TEDC1: variants seen among roughly 807,000 people sequenced by gnomAD.
TEDC1 encodes the protein tubulin epsilon and delta complex 1.
In TEDC1, 54 loss-of-function variants were observed where a neutral mutation model predicts 59.9. The ratio of observed to expected loss-of-function variants is 0.90; its 90% CI spans 0.72 to 1.13. TEDC1 has a LOEUF of 1.13. Among genes scored for constraint, TEDC1 ranks in the 50% most tolerant of loss-of-function variants. TEDC1 has a pLI of 0.00. For missense variants in TEDC1, 734 were observed against 683.4 expected, an observed-to-expected ratio of 1.07 and a Z score of -0.83; for synonymous variants, 353 against 298.1, an observed-to-expected ratio of 1.18 and a Z score of -1.90.
Position 105,491,439 on chromosome 14 carries a change from G to A in TEDC1, c.64G>A (p.Ala22Thr), listed in dbSNP as rs1555439229. The change falls in exon 1 of 9, where the codon GCC (alanine) becomes ACC (threonine). Residue 22 changes from alanine to threonine, a missense_variant. Ala to Thr is a moderately conservative substitution (Grantham distance 58). Transcript: ENST00000392523. ...GGCCCGGGCCGGGGCCCTGCCTGAG[G>A]CCATCGCCGCGTTGAGTCGGTCGCT... is the stretch of plus-strand genomic sequence containing the variant. ...AGARAGALPE[A>T]IAALSRSLPS... 6.9e-7 allele frequency: 1 copy of A among 1,450,346 alleles called. No homozygotes were observed. The highest frequency in any genetic ancestry group is 9.0e-7 in the Non-Finnish European group (1 of 1,106,980). The allele number at this position is 1,450,346 out of a possible 1,614,324, so 89.8% of individuals were successfully genotyped here.
Position 105,492,654 on chromosome 14 carries a change from C to T in TEDC1, c.505C>T (p.Gln169Ter). 1 of 1,544,866 alleles carries T rather than the reference C, an allele frequency of 6.5e-7. No individual in the cohort carries two copies. Among genetic ancestry groups the T allele is most frequent in the Non-Finnish European group, 8.7e-7 (1 of 1,146,898 alleles). The change falls in exon 4 of 9, where the codon CAG becomes TAG. Residue 169 changes from glutamine (Q) to a stop codon, truncating the protein, a stop_gained. Transcript: ENST00000392523. LOFTEE classifies it high-confidence loss of function. Reference protein sequence around the residue: ...AEGPVDVRHVQWLMGKLRFRW... With the variant: ...AEGPVDVRHV ...GGGTCCTGTGGATGTCCGCCATGTG[C>T]AGTGGCTGATGGGAAAGCTGCGGTT... is the stretch of plus-strand genomic sequence containing the variant.
At chr14:105,494,015 T>TGGGGGGGGGGGGGGGG in intron 5 of TEDC1, 82 bp downstream of exon 5, 1 of 158,596 alleles carries the variant, frequency 6.3e-6, no homozygotes, top group Non-Finnish European at 1.3e-5. Context: ...GGGAGGGGCC[T>TGGGGGGGGGGGGGGGG]GGGGGCGGGG....
At position 105,497,655 on chromosome 14, in the gene TEDC1, T is replaced by G. The variant is rs940192827; in HGVS notation, c.979-143T>G. ...CTCCATGGCCTTCTAGAGTGTGGCC[T>G]TTGTGCCTCCCTGGACGTCACAGTT... On this transcript the variant is annotated intron_variant, in intron 7 of 8. Coordinates refer to ENST00000392523, the MANE Select transcript of TEDC1 (RefSeq NM_001367178.1). 4 of 1,214,002 alleles carry G rather than the reference T, an allele frequency of 3.3e-6. No homozygotes were observed. The African/African-American group carries it at 4.6e-5, about 14-fold the overall frequency. 75.2% of individuals were successfully genotyped at this position (1,214,002 alleles called of 1,614,324 possible).
chr14:105,498,625 C>T lies in TEDC1; in HGVS notation c.1167C>T (p.Gly389=), dbSNP rs1555440996. 1.3e-6 allele frequency: 2 copies of T among 1,544,888 alleles called. No individual in the cohort carries two copies. Among genetic ancestry groups the T allele is most frequent in the Non-Finnish European group, 1.7e-6 (2 of 1,143,564 alleles). Residue 389 remains glycine (G), a synonymous_variant, in exon 9 of 9, where the codon GGC becomes GGT. Coordinates refer to ENST00000392523, the MANE Select transcript of TEDC1 (RefSeq NM_001367178.1). ...RRAAWEAKAG[G]CGRGPEWSAA... is the part of the protein sequence containing the mutation. ...CATTGTGTCCCACGCAGGCTGGAGG[C>T]TGTGGACGGGGGCCAGAGTGGAGTG...
chr14:105,491,142 G>C (rs1475033895), upstream of TEDC1: 1 of 1,551,028 alleles, frequency 6.4e-7, no homozygotes, highest in African/African-American at 1.4e-5. Flanking sequence ...GGTCTCGGGA[G>C]CGCGGTGATT....
Position 105,499,217 on chromosome 14 carries a change from CAG to C in TEDC1, c.*272_*273del. 1.8e-6 allele frequency: 1 copy of C among 547,288 alleles called. No homozygotes were observed. Among genetic ancestry groups the C allele is most frequent in the South Asian group, 2.3e-5 (1 of 42,750 alleles). The allele number at this position is 547,288 out of a possible 1,614,324, so 33.9% of individuals were successfully genotyped here. The stretch of plus-strand genomic sequence containing the variant: ...GAGGGGACTCGGAAATAAATTGTAG[CAG>C]CTTTCCTGCCGCTGGCCCTCCCCCT... On this transcript the variant is annotated 3_prime_UTR_variant, in exon 9 of 9. Transcript: ENST00000392523.
intron 6 of TEDC1, 66 bp downstream of exon 6, chr14:105,496,152 C>CCCCCCCCGGGGGGT: frequency 6.3e-6 from 1 of 157,702 alleles, no homozygotes; most frequent in East Asian, 1.5e-4. Context: ...GAGGGGGTGG[C>CCCCCCCCGGGGGGT]GAGGGGGTGT....
At chr14:105,497,621 C>T (rs587710845) in intron 7 of TEDC1, 177 bp from the exon 8 acceptor site, 99 of 1,098,688 alleles carry the variant, frequency 9.0e-5, no homozygotes, top group Admixed American at 4.0e-4. Flanking sequence ...CTGCTGCCCC[C>T]GCCCTCAGCT....
intron 6 of TEDC1, chr14:105,496,398 C>T (rs1237117187): frequency 3.0e-5 from 11 of 372,058 alleles, no homozygotes; most frequent in African/African-American, 2.3e-4. Context: ...GGCCTGCCTG[C>T]CTCTGCTCTG....
rs1170981419 is a variant in TEDC1 at position 105,499,238 on chromosome 14, T to TC, written c.*297dup. On this transcript the variant is annotated 3_prime_UTR_variant, in exon 9 of 9. Transcript: ENST00000392523. ...GTAGCAGCTTTCCTGCCGCTGGCCC[T>TC]CCCCCTGCCACCCTGTCGGGTTTCC... 9.2e-5 allele frequency: 45 copies of TC among 491,700 alleles called. No individual in the cohort carries two copies. Among genetic ancestry groups the TC allele is most frequent in the African/African-American group, 3.7e-4 (19 of 51,476 alleles). The allele number at this position is 491,700 out of a possible 1,614,324, so 30.5% of individuals were successfully genotyped here. A position where few individuals can be genotyped will look rare whatever the true frequency, so the allele number is the denominator to read the frequency against.
At chr14:105,498,486 C>T in intron 8 of TEDC1, 131 bp from the exon 9 acceptor site, 3 of 1,013,066 alleles carry the variant, frequency 3.0e-6, no homozygotes, top group Non-Finnish European at 4.2e-6. Flanking sequence ...TTCAGTAAGC[C>T]TCTCTGAAGA....
At chr14:105,493,590 C>T (rs1356484375) in intron 4 of TEDC1, among the ~76,000 whole-genome samples, 5 of 152,042 alleles carry the variant, frequency 3.3e-5, no homozygotes, top group South Asian at 2.1e-4. Flanking sequence ...GGAAGCTGGG[C>T]GGGGTGGGGA....
chr14:105,498,485 C>T (rs2084396812), intron 8 of TEDC1, 132 bp from the exon 9 acceptor site: 1 of 997,624 alleles, frequency 1.0e-6, no homozygotes. Flanking sequence ...TTTCAGTAAG[C>T]CTCTCTGAAG....
chr14:105,492,092 G>A lies in TEDC1; in HGVS notation c.227-15G>A, dbSNP rs781933301. ...AGGTGGGTGGTCCCCCTAAGGTGGT[G>A]GTCTTCTGTCCTAGAGGTCCAAGCC... is the stretch of plus-strand genomic sequence containing the variant. On this transcript the variant is annotated splice_polypyrimidine_tract_variant and intron_variant, in intron 2 of 8. Transcript: ENST00000392523. The A allele has an allele frequency of 1.4e-5, 22 of 1,579,334 alleles. No individual in the cohort carries two copies. The South Asian group carries it at 1.8e-4, about 13-fold the overall frequency.
At chr14:105,497,626 T>A in intron 7 of TEDC1, 172 bp from the exon 8 acceptor site, 1 of 1,116,980 alleles carries the variant, frequency 9.0e-7, no homozygotes, top group Non-Finnish European at 1.2e-6. Flanking sequence ...GCCCCCGCCC[T>A]CAGCTCCATG....
intron 7 of TEDC1, 171 bp downstream of exon 7, chr14:105,497,614 C>T (rs1244387696): frequency 7.3e-6 from 8 of 1,093,622 alleles, no homozygotes; most frequent in Admixed American, 2.8e-5. Flanking sequence ...AGGCTCACTG[C>T]TGCCCCCGCC....
chr14:105,492,544 G>A, intron 3 of TEDC1, 35 bp from the exon 4 acceptor site: 2 of 1,527,790 alleles, frequency 1.3e-6, no homozygotes, highest in African/African-American at 1.4e-5. Flanking sequence ...GGCAGGGTGG[G>A]GTGGGAGCAG....
In TEDC1 at chr14:105,498,878, C is replaced by A; in HGVS notation, c.1420C>A (p.Arg474=). ...AVLRRLQGQC[R]QELARLVGAR... is the part of the protein sequence containing the mutation. Reference sequence around the variant, plus strand: ...GCTACGTCGACTACAGGGACAGTGTCGGCAGGAACTGGCCAGGCTGGTGGG... The same window carrying A: ...GCTACGTCGACTACAGGGACAGTGTAGGCAGGAACTGGCCAGGCTGGTGGG... The change falls in exon 9 of 9, where the codon CGG becomes AGG. Residue 474 remains arginine, a synonymous_variant. Coordinates refer to ENST00000392523, the MANE Select transcript of TEDC1 (RefSeq NM_001367178.1). The A allele has an allele frequency of 6.2e-7, 1 of 1,611,942 alleles. No homozygotes were observed. Among genetic ancestry groups the A allele is most frequent in the Non-Finnish European group, 8.5e-7 (1 of 1,179,716 alleles).
At chr14:105,490,727 C>T (rs1555439047), upstream of TEDC1, 22 of 403,750 alleles carry the variant, frequency 5.4e-5, no homozygotes, top group East Asian at 1.2e-3. Context: ...CTGCGCTGTG[C>T]GGCGCGGCGG....
Sources: gnomAD v4.1 joint callset for allele counts (sites outside exome capture counted in the v4.1 genomes callset) on GRCh38, gnomAD v4.1.1 for gene constraint, MANE v1.5 for transcripts, NCBI Gene and HGNC (gene_info 2026-07-23, HGNC 2026-07-21) for gene names.